GNAQ: variants seen among roughly 807,000 people sequenced by gnomAD.
GNAQ encodes G protein subunit alpha q.
In GNAQ, 8 loss-of-function variants were observed where a neutral mutation model predicts 43.9. That is an observed-to-expected ratio of 0.18 (90% CI 0.11 to 0.33). GNAQ has a LOEUF of 0.33. Ranked by LOEUF, GNAQ falls within the 10% of genes least tolerant of loss-of-function variation. The probability of loss-of-function intolerance (pLI) is 1.00; values close to 1 mark genes in which losing one functional copy is unlikely to be tolerated. For synonymous variants in GNAQ, 155 were observed against 170.7 expected, an observed-to-expected ratio of 0.91 and a Z score of 0.71; for missense variants, 158 against 450.8, an observed-to-expected ratio of 0.35 and a Z score of 5.88.
chr9:77,903,757 A>G (rs1190502701), intron 2 of GNAQ, among the ~76,000 whole-genome samples: 3 of 152,136 alleles, frequency 2.0e-5, no homozygotes, highest in African/African-American at 7.2e-5. Context: ...ACACACATAT[A>G]TATACACACC....
intron 1 of GNAQ, among the ~76,000 whole-genome samples, chr9:77,960,970 A>C (rs1032561843): frequency 1.3e-5 from 2 of 152,214 alleles, no homozygotes; most frequent in Non-Finnish European, 2.9e-5. Context: ...CATATCTTTA[A>C]TACATTTCAT....
chr9:77,921,146 T>C (rs1456385490), intron 2 of GNAQ, among the ~76,000 whole-genome samples: 7 of 152,222 alleles, frequency 4.6e-5, no homozygotes, highest in African/African-American at 1.7e-4. Flanking sequence ...GGCTCACTTA[T>C]AGGATCAGCA....
intron 2 of GNAQ, among the ~76,000 whole-genome samples, chr9:77,905,279 C>T (rs565135876): frequency 6.6e-6 from 1 of 152,254 alleles, no homozygotes; most frequent in Non-Finnish European, 1.5e-5. Flanking sequence ...CCTGTTTTTA[C>T]AACTACAAAA....
intron 1 of GNAQ, among the ~76,000 whole-genome samples, chr9:77,938,656 C>T (rs1050572097): frequency 6.6e-5 from 10 of 152,134 alleles, no homozygotes; most frequent in South Asian, 2.1e-4. Context: ...GAAAGAAGCA[C>T]GGCTTGAACC....
At chr9:77,991,267 C>T (rs1255569793) in intron 1 of GNAQ, among the ~76,000 whole-genome samples, 5 of 152,210 alleles carry the variant, frequency 3.3e-5, no homozygotes, top group Non-Finnish European at 7.3e-5. Context: ...TGATCCAACA[C>T]TATCAGTTGG....
chr9:77,882,443 G>A (rs967996843), intron 2 of GNAQ, among the ~76,000 whole-genome samples: 2 of 152,206 alleles, frequency 1.3e-5, no homozygotes, highest in African/African-American at 2.4e-5. Context: ...ACTAAAGGTT[G>A]CAAACAAGCA....
rs572344077 is a variant in GNAQ at position 77,899,547 on chromosome 9, A to G, written c.321+22614T>C. 6.6e-5 allele frequency among the ~76,000 whole-genome samples: 8 copies of G among 121,604 alleles called. No individual in the cohort carries two copies. In the East Asian group the frequency reaches 1.6e-3, roughly 25 times the overall value. 79.8% of individuals were successfully genotyped at this position (121,604 alleles called of 152,430 possible). On this transcript the variant is annotated intron_variant, in intron 2 of 6. Transcript: ENST00000286548. ...ACACAGGCATTATTCAAAGAATCAC[A>G]TTAACAAAAAAAAAAATCAAAAAAT...
At chr9:77,867,366 C>G (rs1428180968) in intron 2 of GNAQ, among the ~76,000 whole-genome samples, 1 of 152,170 alleles carries the variant, frequency 6.6e-6, no homozygotes, top group Admixed American at 6.6e-5. Flanking sequence ...TGTAATACTT[C>G]CAACTTATAT....
chr9:77,783,832 T>G (rs569201176), intron 5 of GNAQ, among the ~76,000 whole-genome samples: 2 of 152,136 alleles, frequency 1.3e-5, no homozygotes, highest in Non-Finnish European at 2.9e-5. Flanking sequence ...ACTTGGAGGC[T>G]GAAGAGAGAG....
intron 1 of GNAQ, among the ~76,000 whole-genome samples, chr9:77,958,172 T>C (rs1220730583): frequency 6.6e-6 from 1 of 152,218 alleles, no homozygotes; most frequent in Non-Finnish European, 1.5e-5. Flanking sequence ...GTTTGGTGTC[T>C]GGAATGGCGT....
intron 1 of GNAQ, among the ~76,000 whole-genome samples, chr9:77,997,255 A>AAGGCCTCCATAT (rs1823581057): frequency 6.6e-6 from 1 of 152,192 alleles, no homozygotes; most frequent in Admixed American, 6.5e-5. Flanking sequence ...GAGTATTCTC[A>AAGGCCTCCATAT]AGGCCTCCAT....
At chr9:77,865,409 C>T (rs1405924045) in intron 2 of GNAQ, among the ~76,000 whole-genome samples, 1 of 152,176 alleles carries the variant, frequency 6.6e-6, no homozygotes, top group African/African-American at 2.4e-5. Flanking sequence ...TAATCTGTAT[C>T]CTGAAACTTT....
At chr9:77,780,386 C>A (rs1826375609) in intron 5 of GNAQ, among the ~76,000 whole-genome samples, 1 of 151,344 alleles carries the variant, frequency 6.6e-6, no homozygotes, top group South Asian at 2.1e-4. Flanking sequence ...CTGGCTTATT[C>A]CACTTAATGT....
intron 1 of GNAQ, among the ~76,000 whole-genome samples, chr9:77,983,714 A>T (rs930661351): frequency 2.0e-5 from 3 of 152,090 alleles, no homozygotes; most frequent in Admixed American, 1.3e-4. Flanking sequence ...GTATCTATGC[A>T]CTTAAAATCA....
intron 5 of GNAQ, among the ~76,000 whole-genome samples, chr9:77,778,139 T>G (rs2118393612): frequency 6.6e-6 from 1 of 152,112 alleles, no homozygotes; most frequent in South Asian, 2.1e-4. Context: ...CTTACTTATT[T>G]GATCTAACAG....
chr9:77,765,354 G>A (rs10781460), intron 5 of GNAQ, among the ~76,000 whole-genome samples: 96,988 of 152,016 alleles, frequency 0.64, 31,769 homozygotes, highest in Non-Finnish European at 0.72. Context: ...ATATCTGAAA[G>A]TTACATATCT....
At chr9:77,881,147 A>G (rs1828200500) in intron 2 of GNAQ, among the ~76,000 whole-genome samples, 6 of 152,130 alleles carry the variant, frequency 3.9e-5, no homozygotes. Context: ...TTCCCATAAT[A>G]TAGACCTTTT....
chr9:77,942,323 G>C (rs1829327398), intron 1 of GNAQ, among the ~76,000 whole-genome samples: 2 of 152,190 alleles, frequency 1.3e-5, no homozygotes, highest in South Asian at 2.1e-4. Context: ...GTCAGAGAGT[G>C]GTCAAGTATT....
chr9:77,730,373 T>A (rs1825468862), intron 5 of GNAQ, among the ~76,000 whole-genome samples: 1 of 152,182 alleles, frequency 6.6e-6, no homozygotes, highest in Non-Finnish European at 1.5e-5. Context: ...ACAAAGGCCA[T>A]GTATTGCTCC....
Sources: gnomAD v4.1 joint callset for allele counts (sites outside exome capture counted in the v4.1 genomes callset) on GRCh38, gnomAD v4.1.1 for gene constraint, MANE v1.5 for transcripts, NCBI Gene and HGNC (gene_info 2026-07-23, HGNC 2026-07-21) for gene names.